KIAA0232: variants seen among roughly 807,000 people sequenced by gnomAD.
The protein encoded by KIAA0232 is KIAA0232.
A neutral mutation model predicts 122.0 loss-of-function variants in KIAA0232; 27 were observed. That is an observed-to-expected ratio of 0.22 (90% CI 0.16 to 0.31). The LOEUF (loss-of-function observed/expected upper bound fraction) is 0.31, where lower values mean the gene tolerates loss of function less well. Among genes scored for constraint, KIAA0232 ranks in the 10% least tolerant of loss-of-function variants. KIAA0232 has a pLI of 1.00. For missense variants in KIAA0232, 1,551 were observed against 1,634.2 expected, an observed-to-expected ratio of 0.95 and a Z score of 0.88; for synonymous variants, 613 against 587.6, an observed-to-expected ratio of 1.04 and a Z score of -0.63.
chr4:6,796,304 C>A (rs1338551853), intron 1 of KIAA0232, among the ~76,000 whole-genome samples: 1 of 151,890 alleles, frequency 6.6e-6, no homozygotes, highest in Non-Finnish European at 1.5e-5. Context: ...TGCAGTGGCA[C>A]GATCTCAGCT....
intron 1 of KIAA0232, among the ~76,000 whole-genome samples, chr4:6,803,306 T>C (rs1028246699): frequency 1.3e-5 from 2 of 151,800 alleles, no homozygotes; most frequent in Admixed American, 6.6e-5. Flanking sequence ...GAAATATAGA[T>C]TGAGAAGACA....
At chr4:6,796,467 C>G (rs767998711) in intron 1 of KIAA0232, among the ~76,000 whole-genome samples, 5 of 152,346 alleles carry the variant, frequency 3.3e-5, no homozygotes, top group Non-Finnish European at 5.9e-5. Context: ...GCCTCAAACT[C>G]CTGACCTCAG....
intron 8 of KIAA0232, among the ~76,000 whole-genome samples, chr4:6,872,114 C>G (rs1313373832): frequency 2.0e-5 from 3 of 152,082 alleles, no homozygotes; most frequent in African/African-American, 4.8e-5. Flanking sequence ...GAGGGCTTGG[C>G]TAGGTTAGGT....
At chr4:6,878,379 T>TCATATATACATA (rs57525303) in intron 9 of KIAA0232, among the ~76,000 whole-genome samples, 37,046 of 149,232 alleles carry the variant, frequency 0.25, 5,125 homozygotes, top group Middle Eastern at 0.34. Context: ...CATCATTCAT[T>TCATATATACATA]CATACATACA....
rs187319068 is a variant in KIAA0232 at position 6,836,151 on chromosome 4, G to A, written c.232-5916G>A. The stretch of plus-strand genomic sequence containing the variant: ...ATCTGTTGTTTCCTGACTTTTTGAT[G>A]ATGGCCATTCTAACTGGTGTGAGAT... On this transcript the variant is annotated intron_variant, in intron 3 of 9. Transcript: ENST00000307659. 1.5e-3 allele frequency among the ~76,000 whole-genome samples: 233 copies of A among 152,256 alleles called. 1 individual carries two copies. The highest frequency in any genetic ancestry group is 5.4e-3 in the African/African-American group (225 of 41,544).
chr4:6,800,269 G>T (rs556157683), intron 1 of KIAA0232, among the ~76,000 whole-genome samples: 1 of 149,008 alleles, frequency 6.7e-6, no homozygotes, highest in Non-Finnish European at 1.5e-5. Flanking sequence ...TTTTTGCCAG[G>T]CTGGTCTCGA....
At chr4:6,820,697 T>C (rs1206896360) in intron 2 of KIAA0232, among the ~76,000 whole-genome samples, 1 of 152,104 alleles carries the variant, frequency 6.6e-6, no homozygotes, top group Non-Finnish European at 1.5e-5. Flanking sequence ...CAATTGTCTT[T>C]TAAAGATATT....
chr4:6,810,451 G>A (rs1177331363), intron 2 of KIAA0232, among the ~76,000 whole-genome samples: 1 of 152,108 alleles, frequency 6.6e-6, no homozygotes. Flanking sequence ...AGACTTAAAC[G>A]TTAAGACCTG....
chr4:6,837,662 G>A (rs1044272549), intron 3 of KIAA0232, among the ~76,000 whole-genome samples: 5 of 152,248 alleles, frequency 3.3e-5, no homozygotes, highest in Non-Finnish European at 2.9e-5. Context: ...CTGCAATCCC[G>A]GCACCTCGGG....
chr4:6,803,667 A>T (rs1356105865), intron 1 of KIAA0232, among the ~76,000 whole-genome samples: 1 of 152,242 alleles, frequency 6.6e-6, no homozygotes, highest in Admixed American at 6.5e-5. Flanking sequence ...ACCAGAATTT[A>T]TAAAAAAGGA....
At chr4:6,868,725 C>G (rs896881722) in intron 7 of KIAA0232, among the ~76,000 whole-genome samples, 2 of 152,022 alleles carry the variant, frequency 1.3e-5, no homozygotes, top group African/African-American at 4.8e-5. Flanking sequence ...TTAATACATT[C>G]GATGATGTAT....
rs771544360 is a variant in KIAA0232 at position 6,861,398 on chromosome 4, G to A, written c.1016G>A (p.Gly339Asp). The A allele has an allele frequency of 2.3e-5, 37 of 1,614,084 alleles. No homozygotes were observed. The highest frequency in any genetic ancestry group is 3.0e-5 in the Non-Finnish European group (35 of 1,180,040). The change falls in exon 7 of 10, where the codon GGT becomes GAT. Residue 339 changes from glycine (G) to aspartate (D), a missense_variant. By Grantham distance (94) the Gly-to-Asp change is moderately conservative (BLOSUM62 -1). Around this residue, in one of 5 missense-constraint regions of KIAA0232, gnomAD observed 377 missense variants for 381.7 expected, o/e 0.99. Transcript: ENST00000307659. ...CAAAGCAGGCTTTCTTTGAAGCACGGTGAAAAGGCTGAAAGGAACATTCAT... is the reference window on the plus strand; with the variant it reads ...CAAAGCAGGCTTTCTTTGAAGCACGATGAAAAGGCTGAAAGGAACATTCAT... The part of the protein sequence containing the change: ...NGQSRLSLKH[G>D]EKAERNIHTG...
chr4:6,837,953 C>T (rs1327308267), intron 3 of KIAA0232, among the ~76,000 whole-genome samples: 2 of 151,622 alleles, frequency 1.3e-5, no homozygotes, highest in African/African-American at 4.9e-5. Flanking sequence ...GAGGCAGAGG[C>T]GGTTGTTTGT....
intron 2 of KIAA0232, among the ~76,000 whole-genome samples, chr4:6,806,637 G>C (rs1717625699): frequency 6.7e-6 from 1 of 148,520 alleles, no homozygotes; most frequent in Admixed American, 6.9e-5. Flanking sequence ...GGGAGGCTGA[G>C]GCAGGAGAAT....
At chr4:6,852,330 A>AT (rs1329066468) in intron 4 of KIAA0232, among the ~76,000 whole-genome samples, 2 of 152,218 alleles carry the variant, frequency 1.3e-5, no homozygotes, top group Non-Finnish European at 2.9e-5. Context: ...CCCCTGGCAC[A>AT]TATTCTCAGT....
intron 1 of KIAA0232, among the ~76,000 whole-genome samples, chr4:6,799,727 G>T (rs777100715): frequency 8.6e-5 from 13 of 152,032 alleles, no homozygotes; most frequent in Non-Finnish European, 1.3e-4. Flanking sequence ...TCGGAGGCTC[G>T]CTCTGTTGCC....
intron 4 of KIAA0232, among the ~76,000 whole-genome samples, chr4:6,843,379 A>G (rs1486603188): frequency 6.6e-6 from 1 of 152,178 alleles, no homozygotes; most frequent in Non-Finnish European, 1.5e-5. Context: ...ATCTTTGACA[A>G]TCTGCAGAAG....
chr4:6,842,161 A>G lies in KIAA0232; in HGVS notation c.326A>G (p.Lys109Arg). The G allele has an allele frequency of 6.2e-7, 1 of 1,610,406 alleles. No individual in the cohort carries two copies. The highest frequency in any genetic ancestry group is 8.5e-7 in the Non-Finnish European group (1 of 1,178,904). ...TCAGATCTAACTCTAGAAGAAATGA[A>G]AAAACAGGCTGCTGTCCAGTGTCTT... Reference protein sequence around the residue: ...KCSDLTLEEMKKQAAVQCLRS... With the variant: ...KCSDLTLEEMRKQAAVQCLRS... Residue 109 changes from lysine to arginine, a missense_variant, in exon 4 of 10, where the codon AAA becomes AGA. Physicochemically the swap from Lys to Arg is conservative, Grantham distance 26 (BLOSUM62 2). Coordinates refer to ENST00000307659, the MANE Select transcript of KIAA0232 (RefSeq NM_014743.3).
chr4:6,827,575 A>G (rs1209138216), intron 3 of KIAA0232, among the ~76,000 whole-genome samples: 1 of 152,256 alleles, frequency 6.6e-6, no homozygotes, highest in Non-Finnish European at 1.5e-5. Flanking sequence ...TCTAGCCATG[A>G]GCGGCCAGTT....
Sources: allele counts gnomAD v4.1 joint callset (sites outside exome capture counted in the v4.1 genomes callset), GRCh38; gene constraint gnomAD v4.1.1; regional missense constraint gnomAD v4.1.1; transcripts MANE v1.5; gene names NCBI Gene and HGNC (gene_info 2026-07-23, HGNC 2026-07-21).